RFTN1: variants seen among roughly 807,000 people sequenced by gnomAD.
The protein encoded by RFTN1 is raftlin, lipid raft linker 1.
Under a neutral mutation model 46.5 loss-of-function variants are expected in RFTN1, and 26 were observed. The ratio of observed to expected loss-of-function variants is 0.56; its 90% CI spans 0.41 to 0.78. The LOEUF is 0.78. Ranked by LOEUF, RFTN1 falls within the 30% of genes least tolerant of loss-of-function variation. The pLI is 0.00. For missense variants in RFTN1, 693 were observed against 718.7 expected, an observed-to-expected ratio of 0.96 and a Z score of 0.41; for synonymous variants, 261 against 284.2, an observed-to-expected ratio of 0.92 and a Z score of 0.82.
rs575705624 is a variant in RFTN1, at chr3:16,371,149, G to C, written c.827-870C>G. Reference sequence around the variant, plus strand: ...AGTCTTGCTTACACAGGCTAGTCAGGAATATGCTTTGGTTTCCAAAAATAT... The same window carrying C: ...AGTCTTGCTTACACAGGCTAGTCAGCAATATGCTTTGGTTTCCAAAAATAT... On this transcript the variant is annotated intron_variant, in intron 5 of 9. Coordinates refer to ENST00000334133, the MANE Select transcript of RFTN1 (RefSeq NM_015150.2). 2.6e-5 allele frequency among the ~76,000 whole-genome samples: 4 copies of C among 152,300 alleles called. No homozygotes were observed. In the East Asian group the frequency reaches 7.7e-4, roughly 29 times the overall value.
rs1553593376 is a variant in RFTN1, at chr3:16,426,660, C to CATGT, written c.332+7190_332+7191insACAT. On this transcript the variant is annotated intron_variant, in intron 3 of 9. Transcript: ENST00000334133. This position sits in a 1 kb window ranked among gnomAD's most constrained non-coding sequence, Gnocchi z 5.9. ...ACTGTTATTTTGGCAATGAAAGGAT[C>CATGT]GTGTGTGTGTGTGTGTGTGTGTGTG... Among the ~76,000 whole-genome samples the CATGT allele has an allele frequency of 7.0e-6, 1 of 142,120 alleles. No individual in the cohort carries two copies. Among genetic ancestry groups the CATGT allele is most frequent in the South Asian group, 2.4e-4 (1 of 4,202 alleles). 93.2% of individuals were successfully genotyped at this position (142,120 alleles called of 152,430 possible). A position where few individuals can be genotyped will look rare whatever the true frequency, so the allele number is the denominator to read the frequency against.
intron 4 of RFTN1, among the ~76,000 whole-genome samples, chr3:16,386,200 GAGA>G (rs2307975): frequency 0.42 from 63,255 of 151,684 alleles, 14,295 homozygotes; most frequent in African/African-American, 0.59. Flanking sequence ...AATGATTTGG[GAGA>G]AGGATTCCTA....
In RFTN1 at chr3:16,383,186, A is replaced by G. The variant is rs2074053533; in HGVS notation, c.442-5084T>C. On this transcript the variant is annotated intron_variant, in intron 4 of 9. Transcript: ENST00000334133. This position sits in a 1 kb window ranked among gnomAD's most constrained non-coding sequence, Gnocchi z 4.0. ...CCTAAGCCCAACCTGATGCCTCTTC[A>G]ACGATACCACTCTTTCCACTTCAGA... Among the ~76,000 whole-genome samples the G allele has an allele frequency of 6.6e-6, 1 of 152,120 alleles. No homozygotes were observed. Among genetic ancestry groups the G allele is most frequent in the Non-Finnish European group, 1.5e-5 (1 of 68,008 alleles).
At chr3:16,445,483 TCA>T (rs10681518) in intron 2 of RFTN1, among the ~76,000 whole-genome samples, 2,420 of 126,780 alleles carry the variant, frequency 0.019, 59 homozygotes, top group African/African-American at 0.062. Context: ...TCTCTCTCTC[TCA>T]CACACACACA....
In RFTN1 at chr3:16,385,250, C is replaced by T. The variant is rs1022768533; in HGVS notation, c.442-7148G>A. ...CCATCTTGTCACCTACACTCTTGTA[C>T]AGCTTTCTGAAAAGGGAGGCTCAAA... On this transcript the variant is annotated intron_variant, in intron 4 of 9. Coordinates refer to ENST00000334133, the MANE Select transcript of RFTN1 (RefSeq NM_015150.2). This position sits in a 1 kb window ranked among gnomAD's most constrained non-coding sequence, Gnocchi z 5.0. Among the ~76,000 whole-genome samples the T allele has an allele frequency of 3.3e-5, 5 of 152,204 alleles. No individual in the cohort carries two copies. Among genetic ancestry groups the T allele is most frequent in the African/African-American group, 1.2e-4 (5 of 41,456 alleles).
chr3:16,487,462 G>A (rs535227160), intron 2 of RFTN1, among the ~76,000 whole-genome samples: 9 of 152,226 alleles, frequency 5.9e-5, no homozygotes, highest in East Asian at 3.8e-4. Flanking sequence ...CTCTGTCTGC[G>A]CTGTCCAATA....
intron 2 of RFTN1, 113 bp downstream of exon 2, chr3:16,493,612 T>G: frequency 2.9e-6 from 3 of 1,028,368 alleles, no homozygotes; most frequent in Non-Finnish European, 2.8e-6. Context: ...GCCTGCCCTT[T>G]TCATTTCTTC....
intron 7 of RFTN1, among the ~76,000 whole-genome samples, chr3:16,354,734 T>A (rs2072319237): frequency 6.6e-6 from 1 of 152,264 alleles, no homozygotes; most frequent in African/African-American, 2.4e-5. Flanking sequence ...TCACAATCTT[T>A]AAGCTCTGCT....
rs2070650792 is a variant in RFTN1 at position 16,334,401 on chromosome 3, T to A, written c.1147-7525A>T. Among the ~76,000 whole-genome samples the A allele has an allele frequency of 1.3e-5, 2 of 152,112 alleles. No individual in the cohort carries two copies. The highest frequency in any genetic ancestry group is 4.1e-4 in the South Asian group (2 of 4,828). On this transcript the variant is annotated intron_variant, in intron 7 of 9. Coordinates refer to ENST00000334133, the MANE Select transcript of RFTN1 (RefSeq NM_015150.2). The surrounding 1 kb of genome is among the most constrained non-coding windows in gnomAD (Gnocchi z 4.3). ...ACATTTTCCCTTTGACCCAACAATC[T>A]CACTTCTGGGAATTTAACCTACGTA...
At chr3:16,318,612 T>C (rs940711309) in intron 9 of RFTN1, among the ~76,000 whole-genome samples, 1 of 67,052 alleles carries the variant, frequency 1.5e-5, no homozygotes, top group Non-Finnish European at 4.3e-5. Flanking sequence ...TAATACATTA[T>C]AGGATTCTTG....
At position 16,418,570 on chromosome 3, in the gene RFTN1, G is replaced by A. The variant is rs1017964870; in HGVS notation, c.333-9087C>T. Among the ~76,000 whole-genome samples, 22 of 151,990 alleles carry A rather than the reference G, an allele frequency of 1.4e-4. No individual in the cohort carries two copies. Among genetic ancestry groups the A allele is most frequent in the African/African-American group, 1.5e-4 (6 of 41,366 alleles). On this transcript the variant is annotated intron_variant, in intron 3 of 9. Transcript: ENST00000334133. The surrounding 1 kb of genome is among the most constrained non-coding windows in gnomAD (Gnocchi z 5.0). Reference sequence around the variant, plus strand: ...CCAGCCAGGAAAAAAAATACTAAACGTCAGTTGACAAAAACAAATTCTCTA... The same window carrying A: ...CCAGCCAGGAAAAAAAATACTAAACATCAGTTGACAAAAACAAATTCTCTA...
intron 1 of RFTN1, among the ~76,000 whole-genome samples, chr3:16,502,847 T>A (rs1434524861): frequency 6.6e-6 from 1 of 152,170 alleles, no homozygotes; most frequent in East Asian, 1.9e-4. Context: ...AGAGAAACCA[T>A]GCAAGATAAC....
chr3:16,432,092 C>T (rs544438044), intron 3 of RFTN1, among the ~76,000 whole-genome samples: 1 of 152,340 alleles, frequency 6.6e-6, no homozygotes, highest in Non-Finnish European at 1.5e-5. Context: ...GCCTCACATA[C>T]AGTGAGTGCT....
At chr3:16,372,611 G>A (rs924573392) in intron 5 of RFTN1, among the ~76,000 whole-genome samples, 2 of 152,220 alleles carry the variant, frequency 1.3e-5, no homozygotes, top group African/African-American at 4.8e-5. Context: ...AAACTACATG[G>A]TAACACTTGA....
chr3:16,434,058 G>A (rs768451447), intron 2 of RFTN1, 21 bp from the exon 3 acceptor site: 15 of 1,552,752 alleles, frequency 9.7e-6, no homozygotes, highest in Non-Finnish European at 1.3e-5. Flanking sequence ...GAGAGGAGAG[G>A]CTCATCAAAG....
At position 16,348,373 on chromosome 3, in the gene RFTN1, T is replaced by A. The variant is rs1388665421; in HGVS notation, c.1146+9559A>T. On this transcript the variant is annotated intron_variant, in intron 7 of 9. Transcript: ENST00000334133. The surrounding 1 kb of genome is among the most constrained non-coding windows in gnomAD (Gnocchi z 6.3). ...TATGTGTTCTAATTATAAAAAAAAA[T>A]TAATAGATGTGCCTTCTCTTCCAGC... 2.7e-5 allele frequency among the ~76,000 whole-genome samples: 4 copies of A among 150,682 alleles called. No individual in the cohort carries two copies. Among genetic ancestry groups the A allele is most frequent in the Non-Finnish European group, 5.9e-5 (4 of 67,586 alleles).
Position 16,512,894 on chromosome 3 carries a change from T to C in RFTN1, c.-9+548A>G, listed in dbSNP as rs1249122389. On this transcript the variant is annotated intron_variant, in intron 1 of 9. Transcript: ENST00000334133. This position sits in a 1 kb window ranked among gnomAD's most constrained non-coding sequence, Gnocchi z 4.3. ...CGCGCGGCATGTCTGCTCCTACACGTCCAGCACCTCTGTCCCCAGAGCAAA... is the reference window on the plus strand; with the variant it reads ...CGCGCGGCATGTCTGCTCCTACACGCCCAGCACCTCTGTCCCCAGAGCAAA... The C allele has an allele frequency of 1.3e-5, 2 of 152,164 alleles. No homozygotes were observed. Among genetic ancestry groups the C allele is most frequent in the African/African-American group, 4.8e-5 (2 of 41,360 alleles). 9.4% of individuals were successfully genotyped at this position (152,164 alleles called of 1,614,324 possible). A position where few individuals can be genotyped will look rare whatever the true frequency, so the allele number is the denominator to read the frequency against.
In RFTN1 at chr3:16,506,374, CCTGA is replaced by C. The variant is rs2076806653; in HGVS notation, c.-9+7064_-9+7067del. Among the ~76,000 whole-genome samples the C allele has an allele frequency of 6.6e-6, 1 of 152,088 alleles. No individual in the cohort carries two copies. The highest frequency in any genetic ancestry group is 2.4e-5 in the African/African-American group (1 of 41,402). Reference sequence around the variant, plus strand: ...CGGGCCGTGAGCACTTCAGCTTTACCCTGACTGAGTTGGAAGCCTCTGGAAGGTT... The same window carrying C: ...CGGGCCGTGAGCACTTCAGCTTTACCCTGAGTTGGAAGCCTCTGGAAGGTT... On this transcript the variant is annotated intron_variant, in intron 1 of 9. Coordinates refer to ENST00000334133, the MANE Select transcript of RFTN1 (RefSeq NM_015150.2). The surrounding 1 kb of genome is among the most constrained non-coding windows in gnomAD (Gnocchi z 4.8).
rs1693719090 is a variant in RFTN1 at position 16,512,844 on chromosome 3, TGGTGGTTCCGGCGCTTCCTCGG to T, written c.-9+576_-9+597del. 1 of 152,336 alleles carries T rather than the reference TGGTGGTTCCGGCGCTTCCTCGG, an allele frequency of 6.6e-6. No homozygotes were observed. Among genetic ancestry groups the T allele is most frequent in the African/African-American group, 2.4e-5 (1 of 41,430 alleles). 9.4% of individuals were successfully genotyped at this position (152,336 alleles called of 1,614,324 possible). ...CTCGGCACCCGCGTCCCTGTGCTTC[TGGTGGTTCCGGCGCTTCCTCGG>T]AGCGCGCGGCATGTCTGCTCCTACA... On this transcript the variant is annotated intron_variant, in intron 1 of 9. Transcript: ENST00000334133. This position sits in a 1 kb window ranked among gnomAD's most constrained non-coding sequence, Gnocchi z 4.3.
Sources: gnomAD v4.1 joint callset for allele counts (sites outside exome capture counted in the v4.1 genomes callset) on GRCh38, gnomAD v4.1.1 for gene constraint, Gnocchi (gnomAD v3.1) non-coding constraint, MANE v1.5 for transcripts, NCBI Gene and HGNC (gene_info 2026-07-23, HGNC 2026-07-21) for gene names.